Variants in ABCC12 observed in about 807,000 individuals in gnomAD.
ABCC12 encodes the protein ATP binding cassette subfamily C member 12.
ABCC12 carries 142 observed loss-of-function variants against 151.1 expected under a neutral mutation model. The observed-to-expected ratio is 0.94, with a 90% CI of 0.82 to 1.08. The LOEUF (loss-of-function observed/expected upper bound fraction) is 1.08, where lower values mean the gene tolerates loss of function less well. ABCC12 is among the 50% of genes least tolerant of loss of function. The pLI is 0.00. For synonymous variants in ABCC12, 645 were observed against 646.4 expected (o/e 1.00, Z 0.03); for missense variants, 1,638 against 1,691.1 (o/e 0.97, Z 0.55).
intron 15 of ABCC12, among the ~76,000 whole-genome samples, chr16:48,113,756 C>A (rs1963781169): frequency 6.6e-6 from 1 of 152,188 alleles, no homozygotes; most frequent in South Asian, 2.1e-4. Context: ...AGGAGATGGA[C>A]CTGGTGTGAA....
intron 12 of ABCC12, among the ~76,000 whole-genome samples, chr16:48,123,669 T>A (rs1964145128): frequency 6.6e-6 from 1 of 152,218 alleles, no homozygotes; most frequent in African/African-American, 2.4e-5. Context: ...TAGAGGTTTG[T>A]GAAAACTACA....
intron 19 of ABCC12, among the ~76,000 whole-genome samples, chr16:48,107,799 C>T (rs779501450): frequency 1.3e-5 from 2 of 152,084 alleles, no homozygotes; most frequent in African/African-American, 4.8e-5. Context: ...GTCAGGAGTT[C>T]GAGACTAGCC....
chr16:48,132,946 G>A (rs536706801), intron 9 of ABCC12, among the ~76,000 whole-genome samples: 12 of 152,222 alleles, frequency 7.9e-5, no homozygotes, highest in African/African-American at 2.6e-4. Flanking sequence ...GCAGAGTCTG[G>A]ATTTAAACAA....
At position 48,117,255 on chromosome 16, in the gene ABCC12, G is replaced by A. The variant is rs1032819288; in HGVS notation, c.1785+6C>T. 18 of 1,612,178 alleles carry A rather than the reference G, an allele frequency of 1.1e-5. No individual in the cohort carries two copies. Among genetic ancestry groups the A allele is most frequent in the South Asian group, 2.2e-5 (2 of 90,628 alleles). On this transcript the variant is annotated splice_donor_region_variant and intron_variant, in intron 14 of 30. Transcript: ENST00000311303. ...ACAGTGGGCTTGCGCTCCCAGCCCC[G>A]CTCACCTCAGTCAGGTCTCCATAGG... is the stretch of plus-strand genomic sequence containing the variant.
intron 8 of ABCC12, among the ~76,000 whole-genome samples, 185 bp downstream of exon 8, chr16:48,138,043 G>C (rs1298710065): frequency 2.6e-5 from 4 of 152,330 alleles, no homozygotes; most frequent in African/African-American, 4.8e-5. Flanking sequence ...GGGTTCACCA[G>C]AACAGATGCC....
chr16:48,110,997 T>G (rs1426603767), intron 18 of ABCC12, among the ~76,000 whole-genome samples: 1 of 152,210 alleles, frequency 6.6e-6, no homozygotes, highest in African/African-American at 2.4e-5. Flanking sequence ...TCATAATCCG[T>G]TCTCAATGCT....
At chr16:48,131,658 C>T (rs541033086) in intron 9 of ABCC12, among the ~76,000 whole-genome samples, 23 of 152,322 alleles carry the variant, frequency 1.5e-4, no homozygotes, top group Admixed American at 1.5e-3. Flanking sequence ...TTCATCTTCT[C>T]ATCTGTCCAA....
At chr16:48,147,028 T>G (rs41280937) in intron 2 of ABCC12, among the ~76,000 whole-genome samples, 23,627 of 151,974 alleles carry the variant, frequency 0.16, 3,123 homozygotes, top group African/African-American at 0.36. Flanking sequence ...CCAGGAGTTT[T>G]TGCATCCACA....
At chr16:48,155,806 G>T (rs1035829319) in intron 1 of ABCC12, 35 bp downstream of exon 1, 1 of 152,356 alleles carries the variant, frequency 6.6e-6, no homozygotes, top group African/African-American at 2.4e-5. Context: ...TTGTTACAGG[G>T]AGAAGCTTTA....
At chr16:48,123,095 C>T (rs2150640254) in intron 12 of ABCC12, among the ~76,000 whole-genome samples, 1 of 152,328 alleles carries the variant, frequency 6.6e-6, no homozygotes. Flanking sequence ...AATGTTATCT[C>T]AAAATTTCCA....
At chr16:48,103,247 T>C (rs1306022463) in intron 22 of ABCC12, among the ~76,000 whole-genome samples, 1 of 152,154 alleles carries the variant, frequency 6.6e-6, no homozygotes, top group African/African-American at 2.4e-5. Flanking sequence ...TGTGCACAGG[T>C]GAAAGCAAGT....
chr16:48,104,234 C>T lies in ABCC12; in HGVS notation c.2808G>A (p.Met936Ile). 1 of 1,614,212 alleles carries T rather than the reference C, an allele frequency of 6.2e-7. No individual in the cohort carries two copies. Among genetic ancestry groups the T allele is most frequent in the Non-Finnish European group, 8.5e-7 (1 of 1,180,048 alleles). ...HAENFLQQFF[M>I]VVFILVILAA... ...CCAAGATCACGAGAATAAACACCACCATAAAAAACTGCTGCAGAAAGTTCT... is the reference window on the plus strand; with the variant it reads ...CCAAGATCACGAGAATAAACACCACTATAAAAAACTGCTGCAGAAAGTTCT... The change falls in exon 22 of 31, where the codon ATG becomes ATA. Residue 936 changes from methionine to isoleucine, a missense_variant. Transcript: ENST00000311303.
chr16:48,096,312 C>T (rs182407712), intron 24 of ABCC12, among the ~76,000 whole-genome samples: 3 of 152,330 alleles, frequency 2.0e-5, no homozygotes, highest in Non-Finnish European at 4.4e-5. Flanking sequence ...ACCAATGATC[C>T]GTATCCCATC....
rs1963404862 is a variant in ABCC12 at position 48,104,250 on chromosome 16, A to T, written c.2792T>A (p.Leu931Gln). The T allele has an allele frequency of 6.2e-7, 1 of 1,614,158 alleles. No homozygotes were observed. Among genetic ancestry groups the T allele is most frequent in the African/African-American group, 1.3e-5 (1 of 74,956 alleles). ...AAACACCACCATAAAAAACTGCTGC[A>T]GAAAGTTCTCTGCGTGAAACGGCAG... ...VRLPFHAENF[L>Q]QQFFMVVFIL... Residue 931 changes from leucine (L) to glutamine (Q), a missense_variant, in exon 22 of 31, where the codon CTG (leucine) becomes CAG (glutamine). Leu to Gln is a moderately radical substitution (Grantham distance 113). Transcript: ENST00000311303.
At chr16:48,084,723 G>A (rs533863680) in intron 29 of ABCC12, among the ~76,000 whole-genome samples, 10 of 152,028 alleles carry the variant, frequency 6.6e-5, no homozygotes, top group African/African-American at 2.2e-4. Context: ...ATCCTTAATC[G>A]CAACTGCAGA....
intron 18 of ABCC12, among the ~76,000 whole-genome samples, chr16:48,111,225 C>T (rs1597311073): frequency 6.6e-6 from 1 of 152,156 alleles, no homozygotes; most frequent in African/African-American, 2.4e-5. Flanking sequence ...TTCAGAGTGG[C>T]CAAGTATCTT....
chr16:48,106,712 C>T (rs28431782), intron 20 of ABCC12, among the ~76,000 whole-genome samples: 11,715 of 152,220 alleles, frequency 0.077, 1,549 homozygotes, highest in African/African-American at 0.27. Flanking sequence ...CCCCACAGCA[C>T]TCCCCAGGGC....
intron 22 of ABCC12, among the ~76,000 whole-genome samples, chr16:48,101,286 C>T (rs1963300428): frequency 6.6e-6 from 1 of 152,158 alleles, no homozygotes; most frequent in Non-Finnish European, 1.5e-5. Context: ...AGGCGTGATT[C>T]TAGTCTTCTA....
intron 2 of ABCC12, chr16:48,146,793 G>GC (rs1425748390): frequency 4.6e-6 from 1 of 215,406 alleles, no homozygotes; most frequent in Non-Finnish European, 9.3e-6. Flanking sequence ...CAGGGAAAGA[G>GC]CCCCAAGAAA....
Sources: allele counts gnomAD v4.1 joint callset (sites outside exome capture counted in the v4.1 genomes callset), GRCh38; gene constraint gnomAD v4.1.1; transcripts MANE v1.5; gene names NCBI Gene and HGNC (gene_info 2026-07-23, HGNC 2026-07-21).